CRISP1: variants seen among roughly 807,000 people sequenced by gnomAD.
CRISP1 encodes cysteine rich secretory protein 1.
A neutral mutation model predicts 33.1 loss-of-function variants in CRISP1; 44 were observed. The observed-to-expected ratio is 1.33, with a 90% confidence interval of 1.05 to 1.71. CRISP1 has a LOEUF of 1.71. Ranked by LOEUF, CRISP1 falls within the 40% of genes most tolerant of loss-of-function variation. CRISP1 has a pLI of 0.00. For synonymous variants in CRISP1, 103 were observed against 98.7 expected (o/e 1.04, Z -0.26); for missense variants, 390 against 301.2 (o/e 1.29, Z -2.18).
At chr6:49,853,771 A>G (rs1391095412) in intron 2 of CRISP1, among the ~76,000 whole-genome samples, 5 of 152,050 alleles carry the variant, frequency 3.3e-5, no homozygotes, top group African/African-American at 9.7e-5. Context: ...TCCTTTTGCA[A>G]TATTGAATCT....
chr6:49,841,797 A>G (rs1029489705), intron 5 of CRISP1, among the ~76,000 whole-genome samples: 1 of 152,192 alleles, frequency 6.6e-6, no homozygotes, highest in Admixed American at 6.5e-5. Flanking sequence ...TGGGTAGGGT[A>G]TACTTAGAAG....
intron 1 of CRISP1, among the ~76,000 whole-genome samples, chr6:49,863,344 C>T (rs151256628): frequency 6.6e-6 from 1 of 152,204 alleles, no homozygotes; most frequent in East Asian, 1.9e-4. Context: ...AATCTAGGAA[C>T]TAAGTAGGCC....
At chr6:49,870,174 A>T (rs1321715695), upstream of CRISP1, among the ~76,000 whole-genome samples, 6 of 152,228 alleles carry the variant, frequency 3.9e-5, no homozygotes. Flanking sequence ...CCTAACCAAT[A>T]CCAAGTCTGG....
At chr6:49,871,192 C>T (rs538391706), upstream of CRISP1, among the ~76,000 whole-genome samples, 3 of 151,440 alleles carry the variant, frequency 2.0e-5, no homozygotes, top group Middle Eastern at 3.4e-3. Flanking sequence ...TTCTAACATG[C>T]ACTCATTATT....
intron 2 of CRISP1, among the ~76,000 whole-genome samples, chr6:49,853,393 A>C (rs747473425): frequency 5.9e-5 from 9 of 152,116 alleles, no homozygotes; most frequent in Non-Finnish European, 1.2e-4. Flanking sequence ...AAACGAATTC[A>C]TCTTTTCCAC....
In CRISP1 at chr6:49,838,502, T is replaced by C; in HGVS notation, c.557A>G (p.Asn186Ser). The C allele has an allele frequency of 6.2e-7, 1 of 1,613,052 alleles. No individual in the cohort carries two copies. Among genetic ancestry groups the C allele is most frequent in the Non-Finnish European group, 8.5e-7 (1 of 1,179,580 alleles). The change falls in exon 7 of 8, where the codon AAT becomes AGT. Residue 186 changes from asparagine to serine, a missense_variant. Coordinates refer to ENST00000335847, the MANE Select transcript of CRISP1 (RefSeq NM_001131.3). ...TGGGACGCCTGTCTTATAAGGTTCA[T>C]TCTTTGTTTCAGGATCATTTCCCCT... ...CHEGNDPETKNEPYKTGVPCE... is the reference protein window; with the variant it reads ...CHEGNDPETKSEPYKTGVPCE...
rs946720148 is a variant in CRISP1, at chr6:49,839,225, G to A, written c.534-700C>T. Among the ~76,000 whole-genome samples, 3 of 109,260 alleles carry A rather than the reference G, an allele frequency of 2.7e-5. No homozygotes were observed. In the South Asian group the frequency reaches 9.7e-4, roughly 35 times the overall value. The allele number at this position is 109,260 out of a possible 152,430, so 71.7% of individuals were successfully genotyped here. On this transcript the variant is annotated intron_variant, in intron 6 of 7. Coordinates refer to ENST00000335847, the MANE Select transcript of CRISP1 (RefSeq NM_001131.3). ...CAAAGTGGAAGGATTGCTTGAGCCC[G>A]AAAGTTTGAGAAAAGCCTGGGCAAA...
chr6:49,858,160 C>T (rs754610454), intron 1 of CRISP1, among the ~76,000 whole-genome samples: 8 of 152,116 alleles, frequency 5.3e-5, no homozygotes, highest in South Asian at 2.1e-4. Context: ...AGTGACTTAG[C>T]GATATTCCAT....
At chr6:49,871,515 TAAA>T (rs1299697700), upstream of CRISP1, among the ~76,000 whole-genome samples, 1 of 151,192 alleles carries the variant, frequency 6.6e-6, no homozygotes, top group Non-Finnish European at 1.5e-5. Context: ...AGGTACACAT[TAAA>T]AAGGGATAAG....
chr6:49,857,445 G>A, intron 1 of CRISP1, 43 bp from the exon 2 acceptor site: 1 of 1,548,326 alleles, frequency 6.5e-7, no homozygotes. Context: ...CTCAATTCAT[G>A]GGATAACATC....
At position 49,848,270 on chromosome 6, in the gene CRISP1, G is replaced by A; in HGVS notation, c.225C>T (p.Ala75=). The stretch of plus-strand genomic sequence containing the variant: ...TATCACAATACTTTGAAAAAATTCT[G>A]GCATTTTGTGCAGCCTCTTCACTCC... The part of the protein sequence containing the change: ...MSWSEEAAQN[A]RIFSKYCDMT... Residue 75 remains alanine, a synonymous_variant, in exon 4 of 8, where the codon GCC becomes GCT. Coordinates refer to ENST00000335847, the MANE Select transcript of CRISP1 (RefSeq NM_001131.3). The A allele has an allele frequency of 1.9e-6, 3 of 1,604,470 alleles. No homozygotes were observed. The highest frequency in any genetic ancestry group is 1.7e-4 in the Middle Eastern group (1 of 6,018).
intron 1 of CRISP1, among the ~76,000 whole-genome samples, chr6:49,862,977 T>C (rs927267305): frequency 6.6e-6 from 1 of 152,154 alleles, no homozygotes; most frequent in Non-Finnish European, 1.5e-5. Context: ...CAGGAAATTA[T>C]GAAGGTATCT....
intron 2 of CRISP1, among the ~76,000 whole-genome samples, chr6:49,854,759 G>T (rs1312958239): frequency 1.3e-5 from 2 of 152,026 alleles, no homozygotes; most frequent in African/African-American, 2.4e-5. Context: ...CACCTGCCCT[G>T]CTGCTTAGGC....
At chr6:49,873,214 A>G (rs1345694363) in intron 1 of CRISP1, among the ~76,000 whole-genome samples, 1 of 152,068 alleles carries the variant, frequency 6.6e-6, no homozygotes, top group Non-Finnish European at 1.5e-5. Context: ...GGGATAAGCC[A>G]GAAAAACCTA....
intron 2 of CRISP1, among the ~76,000 whole-genome samples, chr6:49,856,913 C>T (rs1299393467): frequency 3.9e-5 from 6 of 152,104 alleles, no homozygotes; most frequent in Admixed American, 6.6e-5. Flanking sequence ...CAGCTCCTCA[C>T]GTTGCTCTTT....
chr6:49,872,807 T>G (rs1206104613), intron 1 of CRISP1, among the ~76,000 whole-genome samples: 1 of 152,206 alleles, frequency 6.6e-6, no homozygotes, highest in Non-Finnish European at 1.5e-5. Context: ...AAAGTAGCCT[T>G]GCAGTATAGT....
At chr6:49,850,626 C>T (rs190482151) in intron 3 of CRISP1, among the ~76,000 whole-genome samples, 34 of 152,150 alleles carry the variant, frequency 2.2e-4, no homozygotes, top group Admixed American at 2.0e-3. Flanking sequence ...GCTGAACTCT[C>T]GTATTTCCTT....
intron 2 of CRISP1, among the ~76,000 whole-genome samples, chr6:49,853,526 C>T (rs1306305343): frequency 6.6e-6 from 1 of 152,148 alleles, no homozygotes; most frequent in Admixed American, 6.6e-5. Flanking sequence ...TTTATCCTCA[C>T]TTTAATGGTC....
intron 7 of CRISP1, 131 bp from the exon 8 acceptor site, chr6:49,835,574 A>ATT: frequency 1.2e-6 from 1 of 835,818 alleles, no homozygotes; most frequent in Non-Finnish European, 1.8e-6. Flanking sequence ...AATTAGCATA[A>ATT]GCTAACTAAA....
Sources: gnomAD v4.1 joint callset for allele counts (sites outside exome capture counted in the v4.1 genomes callset) on GRCh38, gnomAD v4.1.1 for gene constraint, MANE v1.5 for transcripts, NCBI Gene and HGNC (gene_info 2026-07-23, HGNC 2026-07-21) for gene names.